The following PWP1 variants were observed in gnomAD, a reference collection of about 807,000 sequenced individuals.
PWP1 encodes PWP1 homolog, endonuclein, also known as periodic tryptophan protein 1 homolog.
A neutral mutation model predicts 69.9 loss-of-function variants in PWP1; 47 were observed. The ratio of observed to expected loss-of-function variants is 0.67; its 90% CI spans 0.53 to 0.86. The LOEUF is 0.86. PWP1 is among the 40% of genes least tolerant of loss of function. The pLI, the probability that PWP1 is intolerant of heterozygous loss-of-function variation, is 0.00. For missense variants in PWP1, 551 were observed against 608.8 expected (o/e 0.91, Z 1.00); for synonymous variants, 222 against 208.2 (o/e 1.07, Z -0.57).
At position 107,695,966 on chromosome 12, in the gene PWP1, G is replaced by T. The variant is rs116814327; in HGVS notation, c.503-508G>T. 4.5e-3 allele frequency among the ~76,000 whole-genome samples: 681 copies of T among 151,344 alleles called. 7 individuals carry two copies. The highest frequency in any genetic ancestry group is 0.015 in the African/African-American group (619 of 41,330). On this transcript the variant is annotated intron_variant, in intron 5 of 14. Coordinates refer to ENST00000412830, the MANE Select transcript of PWP1 (RefSeq NM_007062.3). ...GTCAGTGTTCATTTTCTCCTGTGGG[G>T]TATGCCACAAGATGGCACTGTATTA...
rs1400584523 is a variant in PWP1 at position 107,697,607 on chromosome 12, T to G, written c.744+10T>G. ...AAAGAAAGGAAAGAAGGTAAAGAAG[T>G]TAATAAATATTTAAACTCTAATGAC... On this transcript the variant is annotated intron_variant, in intron 7 of 14. Coordinates refer to ENST00000412830, the MANE Select transcript of PWP1 (RefSeq NM_007062.3). 7 of 1,595,736 alleles carry G rather than the reference T, an allele frequency of 4.4e-6. No individual in the cohort carries two copies. The highest frequency in any genetic ancestry group is 6.0e-6 in the Non-Finnish European group (7 of 1,171,598).
chr12:107,686,083 C>A, intron 1 of PWP1, 112 bp downstream of exon 1: 1 of 1,192,632 alleles, frequency 8.4e-7, no homozygotes, highest in South Asian at 1.3e-5. Flanking sequence ...GTGCGACTGG[C>A]TGGGGTGAGG....
rs375631230 is a variant in PWP1 at position 107,707,418 on chromosome 12, A to G, written c.1078-1508A>G. Among the ~76,000 whole-genome samples the G allele has an allele frequency of 1.5e-3, 228 of 152,310 alleles. 2 individuals are homozygous for G. The highest frequency in any genetic ancestry group is 6.7e-3 in the Admixed American group (103 of 15,296). On this transcript the variant is annotated intron_variant, in intron 11 of 14. Transcript: ENST00000412830. ...TCTCCTGCCTGATTGCCCTGGCCAG[A>G]ACTTCCAACACTGTGTTGAATAGGA...
intron 6 of PWP1, 78 bp from the exon 7 acceptor site, chr12:107,697,389 C>T (rs1889609041): frequency 1.2e-5 from 17 of 1,390,334 alleles, no homozygotes; most frequent in Non-Finnish European, 1.5e-5. Flanking sequence ...TTCAGTTAAT[C>T]TACAGTATAA....
chr12:107,689,990 T>C (rs1471627521), intron 3 of PWP1, among the ~76,000 whole-genome samples: 2 of 152,130 alleles, frequency 1.3e-5, no homozygotes, highest in African/African-American at 2.4e-5. Context: ...GTTTGAGAAA[T>C]AGGCATTTGG....
chr12:107,709,934 A>G (rs1267961844), intron 13 of PWP1, among the ~76,000 whole-genome samples: 1 of 152,078 alleles, frequency 6.6e-6, no homozygotes, highest in African/African-American at 2.4e-5. Context: ...AACCGTGGTT[A>G]CCTCCCTGAG....
At chr12:107,697,312 T>C (rs1889608161) in intron 6 of PWP1, among the ~76,000 whole-genome samples, 155 bp from the exon 7 acceptor site, 1 of 152,234 alleles carries the variant, frequency 6.6e-6, no homozygotes, top group African/African-American at 2.4e-5. Context: ...TGAAATACAA[T>C]CTGCATTTGT....
chr12:107,712,151 G>A lies in PWP1; in HGVS notation c.1437G>A (p.Gly479=), dbSNP rs778307597. 8 of 1,613,920 alleles carry A rather than the reference G, an allele frequency of 5.0e-6. No individual in the cohort carries two copies. The highest frequency in any genetic ancestry group is 1.6e-4 in the Middle Eastern group (1 of 6,082). ...GAAGACGAGAGAGGCTTGTTCTTGG[G>A]AGTGCAAGAAATTCATCTATTAGTG... is the stretch of plus-strand genomic sequence containing the variant. ...AFGRRERLVL[G]SARNSSISGP... Residue 479 remains glycine, a synonymous_variant, in exon 15 of 15, where the codon GGG becomes GGA. Transcript: ENST00000412830.
At chr12:107,692,076 A>G (rs1889491152) in intron 3 of PWP1, among the ~76,000 whole-genome samples, 2 of 152,196 alleles carry the variant, frequency 1.3e-5, no homozygotes, top group African/African-American at 4.8e-5. Context: ...ACAGAGAAAC[A>G]AATAACCCAG....
At chr12:107,709,974 T>G (rs1232988836) in intron 13 of PWP1, among the ~76,000 whole-genome samples, 1 of 152,172 alleles carries the variant, frequency 6.6e-6, no homozygotes, top group Non-Finnish European at 1.5e-5. Context: ...TTGTTCATAT[T>G]TTCTATAACA....
At position 107,697,632 on chromosome 12, in the gene PWP1, CAG is replaced by C. The variant is rs762046350; in HGVS notation, c.744+38_744+39del. 1.8e-5 allele frequency: 28 copies of C among 1,578,560 alleles called. 1 individual carries two copies. The South Asian group carries it at 2.8e-4, about 16-fold the overall frequency. ...TTAATAAATATTTAAACTCTAATGA[CAG>C]AGGTAAGTTTACTCGGGAGTAGGGG... On this transcript the variant is annotated intron_variant, in intron 7 of 14. Coordinates refer to ENST00000412830, the MANE Select transcript of PWP1 (RefSeq NM_007062.3).
At chr12:107,702,881 T>C in intron 8 of PWP1, 54 bp from the exon 9 acceptor site, 1 of 1,113,626 alleles carries the variant, frequency 9.0e-7, no homozygotes, top group East Asian at 2.4e-5. Context: ...TTTTCTCATA[T>C]TTAATGCTCT....
intron 4 of PWP1, 27 bp from the exon 5 acceptor site, chr12:107,692,973 C>CA: frequency 6.2e-7 from 1 of 1,613,398 alleles, no homozygotes; most frequent in Non-Finnish European, 8.5e-7. Flanking sequence ...TGCTTCTAGT[C>CA]AATGACATTT....
chr12:107,686,673 T>C (rs1889371479), intron 1 of PWP1, among the ~76,000 whole-genome samples: 2 of 152,052 alleles, frequency 1.3e-5, no homozygotes, highest in South Asian at 4.2e-4. Context: ...ATGAACAAAA[T>C]AGAAAAAGTC....
rs753478021 is a variant in PWP1 at position 107,685,879 on chromosome 12, C to T, written c.-21C>T. On this transcript the variant is annotated 5_prime_UTR_variant, in exon 1 of 15. Coordinates refer to ENST00000412830, the MANE Select transcript of PWP1 (RefSeq NM_007062.3). The stretch of plus-strand genomic sequence containing the variant: ...CTATGCAGCCTGGTTTCTAGCGTGA[C>T]ACGCCCTTGACTTGAGGACCATGAA... 6.8e-6 allele frequency: 11 copies of T among 1,613,468 alleles called. No homozygotes were observed. Among genetic ancestry groups the T allele is most frequent in the Non-Finnish European group, 8.5e-6 (10 of 1,179,748 alleles).
At position 107,696,691 on chromosome 12, in the gene PWP1, T is replaced by C. The variant is rs141341682; in HGVS notation, c.613+107T>C. On this transcript the variant is annotated intron_variant, in intron 6 of 14. Coordinates refer to ENST00000412830, the MANE Select transcript of PWP1 (RefSeq NM_007062.3). ...AATGTTTTCAGAATTGTTGCTGATATTTTCTGAAGTTACTGTTATTTTATG... is the reference window on the plus strand; with the variant it reads ...AATGTTTTCAGAATTGTTGCTGATACTTTCTGAAGTTACTGTTATTTTATG... The C allele has an allele frequency of 7.8e-4, 1,161 of 1,492,984 alleles. 4 individuals are homozygous for C. The African/African-American group carries it at 0.012, about 15-fold the overall frequency. 92.5% of individuals were successfully genotyped at this position (1,492,984 alleles called of 1,614,324 possible).
intron 13 of PWP1, among the ~76,000 whole-genome samples, chr12:107,709,879 C>T (rs560315258): frequency 6.6e-6 from 1 of 152,126 alleles, no homozygotes; most frequent in South Asian, 2.1e-4. Context: ...GCATAATTGC[C>T]TAAATGCTTA....
intron 10 of PWP1, among the ~76,000 whole-genome samples, 166 bp downstream of exon 10, chr12:107,703,912 A>G (rs1889762596): frequency 6.6e-6 from 1 of 152,210 alleles, no homozygotes; most frequent in Non-Finnish European, 1.5e-5. Flanking sequence ...TTCAGTCTAC[A>G]ACGGAACATG....
rs181890064 is a variant in PWP1 at position 107,690,682 on chromosome 12, C to G, written c.319+1880C>G. On this transcript the variant is annotated intron_variant, in intron 3 of 14. Transcript: ENST00000412830. ...TTCACCATGTTGGCCGGGATGGTCT[C>G]AATCTCCTGACCTCATGATCCGCCT... 6.5e-3 allele frequency among the ~76,000 whole-genome samples: 987 copies of G among 152,250 alleles called. 11 individuals carry two copies. The highest frequency in any genetic ancestry group is 0.022 in the African/African-American group (908 of 41,556).
Sources: gnomAD v4.1 joint callset for allele counts (sites outside exome capture counted in the v4.1 genomes callset) on GRCh38, gnomAD v4.1.1 for gene constraint, MANE v1.5 for transcripts, NCBI Gene and HGNC (gene_info 2026-07-23, HGNC 2026-07-21) for gene names.